UTRN: variants seen among roughly 807,000 people sequenced by gnomAD.
The protein encoded by UTRN is dystrophin-related protein 1.
UTRN carries 283 observed loss-of-function variants against 463.9 expected under a neutral mutation model. The ratio of observed to expected loss-of-function variants is 0.61; its 90% confidence interval spans 0.55 to 0.67. UTRN has a LOEUF of 0.67. Among genes scored for constraint, UTRN ranks in the 30% least tolerant of loss-of-function variants. The probability of loss-of-function intolerance (pLI) is 0.00; values close to 1 mark genes in which losing one functional copy is unlikely to be tolerated. For missense variants in UTRN, 3,922 were observed against 4,084.3 expected, an observed-to-expected ratio of 0.96 and a Z score of 1.08; for synonymous variants, 1,442 against 1,431.5, an observed-to-expected ratio of 1.01 and a Z score of -0.17.
At chr6:144,672,929 G>A (rs547773767) in intron 51 of UTRN, among the ~76,000 whole-genome samples, 1 of 152,096 alleles carries the variant, frequency 6.6e-6, no homozygotes, top group East Asian at 1.9e-4. Flanking sequence ...TTTGTTAACT[G>A]AAAGATCATT....
Position 144,516,227 on chromosome 6 carries a change from A to C in UTRN, c.5245-2A>C. 1 of 1,610,808 alleles carries C rather than the reference A, an allele frequency of 6.2e-7. No homozygotes were observed. Among genetic ancestry groups the C allele is most frequent in the African/African-American group, 1.3e-5 (1 of 74,888 alleles). Reference sequence around the variant, plus strand: ...TTTCAGAGAATTCTTTTCCTTCTACAGTTGCTAATTGCTCAGGAACCATTA... The same window carrying C: ...TTTCAGAGAATTCTTTTCCTTCTACCGTTGCTAATTGCTCAGGAACCATTA... On this transcript the variant is annotated splice_acceptor_variant, in intron 37 of 74. Coordinates refer to ENST00000367545, the MANE Select transcript of UTRN (RefSeq NM_007124.3). LOFTEE classifies it high-confidence loss of function.
intron 52 of UTRN, among the ~76,000 whole-genome samples, chr6:144,692,339 T>A (rs1459716944): frequency 6.6e-6 from 1 of 152,228 alleles, no homozygotes; most frequent in Non-Finnish European, 1.5e-5. Context: ...TTGTGCATAG[T>A]ACTACAATGA....
At chr6:144,806,617 CT>C (rs1272432410) in intron 65 of UTRN, among the ~76,000 whole-genome samples, 1 of 102,364 alleles carries the variant, frequency 9.8e-6, no homozygotes, top group Non-Finnish European at 2.2e-5. Flanking sequence ...AAAGATGCAT[CT>C]CTTTACAACT....
chr6:144,473,677 A>C, intron 23 of UTRN, 43 bp from the exon 24 acceptor site: 1 of 1,533,242 alleles, frequency 6.5e-7, no homozygotes, highest in South Asian at 1.1e-5. Context: ...AGTAGGCTGA[A>C]CGTCACGAAG....
At chr6:144,789,590 A>G (rs4392737) in intron 62 of UTRN, among the ~76,000 whole-genome samples, 84,321 of 151,998 alleles carry the variant, frequency 0.55, 25,678 homozygotes, top group East Asian at 0.95. Context: ...TTCATTTTCT[A>G]GCTGAGAAAA....
chr6:144,769,164 G>A (rs1206495754), intron 58 of UTRN, among the ~76,000 whole-genome samples: 1 of 151,576 alleles, frequency 6.6e-6, no homozygotes, highest in Non-Finnish European at 1.5e-5. Context: ...TTCTGTTTTG[G>A]TTGCCTACTC....
At chr6:144,634,693 C>G (rs1288995879) in intron 51 of UTRN, among the ~76,000 whole-genome samples, 1 of 152,172 alleles carries the variant, frequency 6.6e-6, no homozygotes, top group Non-Finnish European at 1.5e-5. Flanking sequence ...CCCTACTTCT[C>G]CCTAGCTGCT....
intron 2 of UTRN, among the ~76,000 whole-genome samples, chr6:144,402,303 G>A (rs1053976146): frequency 1.3e-5 from 2 of 152,156 alleles, no homozygotes; most frequent in East Asian, 1.9e-4. Flanking sequence ...GAGGAAAAGC[G>A]ATGTTATAAT....
intron 17 of UTRN, 43 bp downstream of exon 17, chr6:144,448,812 T>C (rs556260814): frequency 1.9e-6 from 3 of 1,589,658 alleles, no homozygotes; most frequent in African/African-American, 2.7e-5. Flanking sequence ...ATATTGCACA[T>C]ACTATATTTT....
intron 53 of UTRN, among the ~76,000 whole-genome samples, chr6:144,712,338 T>A (rs1485600469): frequency 6.6e-6 from 1 of 152,064 alleles, no homozygotes; most frequent in African/African-American, 2.4e-5. Flanking sequence ...ATATTGCAAC[T>A]TTACCCCAAA....
At chr6:144,311,918 A>G (rs146790284) in intron 2 of UTRN, 17 of 152,238 alleles carry the variant, frequency 1.1e-4, no homozygotes, top group African/African-American at 4.1e-4. Flanking sequence ...AATAAGAAAA[A>G]TCCTGCAGGA....
At chr6:144,442,447 C>T (rs1181233231) in intron 13 of UTRN, among the ~76,000 whole-genome samples, 6 of 152,056 alleles carry the variant, frequency 3.9e-5, no homozygotes, top group Admixed American at 1.3e-4. Context: ...CTACTGGTAC[C>T]GATTTACTAT....
chr6:144,439,875 C>G (rs1786971944), intron 12 of UTRN, among the ~76,000 whole-genome samples: 1 of 152,152 alleles, frequency 6.6e-6, no homozygotes, highest in African/African-American at 2.4e-5. Flanking sequence ...TCTAAGGTGT[C>G]CATACTTCTT....
At chr6:144,302,639 C>T (rs1193410553) in intron 2 of UTRN, among the ~76,000 whole-genome samples, 2 of 152,146 alleles carry the variant, frequency 1.3e-5, no homozygotes, top group African/African-American at 2.4e-5. Flanking sequence ...TAAGCAAGAC[C>T]CACCTCTGTT....
At position 144,523,056 on chromosome 6, in the gene UTRN, C is replaced by T. The variant is rs921985551; in HGVS notation, c.5774C>T (p.Ala1925Val). 3 of 1,612,568 alleles carry T rather than the reference C, an allele frequency of 1.9e-6. No individual in the cohort carries two copies. The African/African-American group carries it at 4.0e-5, about 22-fold the overall frequency. ...CTGGACAAACTTGGAGAGCAGATTG[C>T]AGTCATTCATGAAAAACAGCCAGAT... ...DQLDKLGEQI[A>V]VIHEKQPDVI... The change falls in exon 41 of 75, where the codon GCA becomes GTA. Residue 1925 changes from alanine to valine, a missense_variant. By Grantham distance (64) the Ala-to-Val change is moderately conservative (BLOSUM62 0). This residue lies in a region of UTRN where 2,349 missense variants were observed against 2,303.8 expected (regional missense o/e 1.02). Coordinates refer to ENST00000367545, the MANE Select transcript of UTRN (RefSeq NM_007124.3).
At chr6:144,627,882 G>A (rs137966458) in intron 51 of UTRN, among the ~76,000 whole-genome samples, 4,159 of 144,342 alleles carry the variant, frequency 0.029, 199 homozygotes, top group African/African-American at 0.1. Context: ...TTACTGCAAC[G>A]TCCGTCTCCC....
At chr6:144,363,939 T>A (rs1247529446) in intron 2 of UTRN, among the ~76,000 whole-genome samples, 1 of 152,090 alleles carries the variant, frequency 6.6e-6, no homozygotes, top group Non-Finnish European at 1.5e-5. Flanking sequence ...AGGCAGTGGG[T>A]GATGTTCGGA....
intron 53 of UTRN, among the ~76,000 whole-genome samples, chr6:144,702,871 G>C (rs949236496): frequency 2.0e-5 from 3 of 152,254 alleles, no homozygotes; most frequent in Non-Finnish European, 2.9e-5. Context: ...GTGGGAGAAA[G>C]GGATTCAGAT....
At chr6:144,326,180 G>A (rs967137456) in intron 2 of UTRN, among the ~76,000 whole-genome samples, 6 of 151,960 alleles carry the variant, frequency 3.9e-5, no homozygotes, top group African/African-American at 1.5e-4. Context: ...TAAAAATTGA[G>A]AAATATATAA....
Sources: allele counts gnomAD v4.1 joint callset (sites outside exome capture counted in the v4.1 genomes callset), GRCh38; gene constraint gnomAD v4.1.1; regional missense constraint gnomAD v4.1.1; transcripts MANE v1.5; gene names NCBI Gene and HGNC (gene_info 2026-07-23, HGNC 2026-07-21).